The following SOX5 variants were observed in gnomAD, a reference collection of about 807,000 sequenced individuals.
The protein encoded by SOX5 is SRY-box transcription factor 5.
Under a neutral mutation model 92.0 loss-of-function variants are expected in SOX5, and 9 were observed. The ratio of observed to expected loss-of-function variants is 0.10; its 90% confidence interval spans 0.06 to 0.17. SOX5 has a LOEUF of 0.17. Among genes scored for constraint, SOX5 ranks in the 10% least tolerant of loss-of-function variants. The pLI is 1.00. For synonymous variants in SOX5, 344 were observed against 336.3 expected (o/e 1.02, Z -0.25); for missense variants, 642 against 944.5 (o/e 0.68, Z 4.20).
intron 4 of SOX5, among the ~76,000 whole-genome samples, chr12:24,149,311 G>A (rs1267373571): frequency 2.0e-5 from 3 of 151,878 alleles, no homozygotes; most frequent in African/African-American, 7.3e-5. Context: ...TATTGATAAA[G>A]AACTTATAAT....
At chr12:23,713,647 C>CTGTGTG (rs138042111) in intron 6 of SOX5, among the ~76,000 whole-genome samples, 1 of 146,960 alleles carries the variant, frequency 6.8e-6, no homozygotes, top group South Asian at 2.2e-4. Context: ...TCCAGTGTCT[C>CTGTGTG]TGTGTGTGTG....
chr12:24,066,873 A>T (rs75949128), intron 4 of SOX5, among the ~76,000 whole-genome samples: 5,651 of 152,276 alleles, frequency 0.037, 129 homozygotes, highest in Admixed American at 0.062. Context: ...CAGAGATTTT[A>T]TTTCACCTTT....
At chr12:24,165,498 C>T (rs1185546903) in intron 4 of SOX5, among the ~76,000 whole-genome samples, 1 of 152,108 alleles carries the variant, frequency 6.6e-6, no homozygotes, top group African/African-American at 2.4e-5. Context: ...ATTCAATGCC[C>T]TCATTTTCAC....
intron 1 of SOX5, among the ~76,000 whole-genome samples, chr12:24,396,808 C>CA (rs1960134169): frequency 6.6e-6 from 1 of 152,256 alleles, no homozygotes; most frequent in African/African-American, 2.4e-5. Flanking sequence ...ATGCTTACAA[C>CA]AGAGTGTTTT....
chr12:23,713,970 C>T (rs1167423473), intron 6 of SOX5, among the ~76,000 whole-genome samples: 1 of 150,530 alleles, frequency 6.6e-6, no homozygotes, highest in African/African-American at 2.4e-5. Flanking sequence ...TGCACACCTG[C>T]AATCCCAGCT....
At chr12:23,701,703 G>T (rs2090648584) in intron 6 of SOX5, among the ~76,000 whole-genome samples, 1 of 151,706 alleles carries the variant, frequency 6.6e-6, no homozygotes, top group Non-Finnish European at 1.5e-5. Context: ...ACATTTTTTG[G>T]TCCCCCAGCA....
At chr12:24,149,068 T>G (rs1951401149) in intron 4 of SOX5, among the ~76,000 whole-genome samples, 1 of 152,162 alleles carries the variant, frequency 6.6e-6, no homozygotes, top group African/African-American at 2.4e-5. Flanking sequence ...TTGCCTCATA[T>G]GCTAATATTG....
intron 9 of SOX5, among the ~76,000 whole-genome samples, chr12:23,580,225 G>A (rs1949848846): frequency 1.3e-5 from 2 of 151,910 alleles, no homozygotes; most frequent in Non-Finnish European, 2.9e-5. Context: ...TGAAACCCAG[G>A]TTTTTGGACT....
At chr12:24,387,658 C>A (rs1424380258) in intron 1 of SOX5, among the ~76,000 whole-genome samples, 1 of 152,082 alleles carries the variant, frequency 6.6e-6, no homozygotes, top group Non-Finnish European at 1.5e-5. Context: ...CGATAATTTT[C>A]TTACAGGGAA....
chr12:24,497,417 T>C (rs1422537769), intron 1 of SOX5, among the ~76,000 whole-genome samples: 1 of 152,186 alleles, frequency 6.6e-6, no homozygotes, highest in Non-Finnish European at 1.5e-5. Context: ...AGACAGAATT[T>C]CAACAAAAGC....
Position 24,440,299 on chromosome 12 carries a change from C to T in SOX5, c.-250-71660G>A, listed in dbSNP as rs144278639. Among the ~76,000 whole-genome samples, 574 of 152,288 alleles carry T rather than the reference C, an allele frequency of 3.8e-3. 5 individuals carry two copies. The highest frequency in any genetic ancestry group is 0.013 in the African/African-American group (534 of 41,566). ...TACCTTAGATAATCTACTCTAGTCT[C>T]TTTCTGCTGAGGTTATCTTCCTCCT... is the stretch of plus-strand genomic sequence containing the variant. On this transcript the variant is annotated intron_variant, in intron 1 of 4. Coordinates refer to the SOX5 transcript ENST00000446891.
chr12:23,870,448 T>C (rs893026861), intron 2 of SOX5, among the ~76,000 whole-genome samples: 1 of 152,108 alleles, frequency 6.6e-6, no homozygotes. Flanking sequence ...ATTATAAACC[T>C]AGAGGCCTTT....
chr12:23,866,440 T>C (rs1346004564), intron 2 of SOX5, among the ~76,000 whole-genome samples: 3 of 152,178 alleles, frequency 2.0e-5, no homozygotes, highest in Non-Finnish European at 4.4e-5. Context: ...CCAATCCAAA[T>C]TTAGGAGTAA....
At chr12:24,415,288 C>T (rs10771086) in intron 1 of SOX5, among the ~76,000 whole-genome samples, 93,024 of 152,036 alleles carry the variant, frequency 0.61, 28,999 homozygotes, top group East Asian at 0.98. Context: ...ATTAATCCAT[C>T]TTTTGTTGTT....
chr12:24,108,588 T>G (rs1177328377), intron 4 of SOX5, among the ~76,000 whole-genome samples: 1 of 152,170 alleles, frequency 6.6e-6, no homozygotes, highest in Non-Finnish European at 1.5e-5. Flanking sequence ...ACATTAATTA[T>G]AGCCTATTAA....
At chr12:23,712,063 GT>G (rs1184020361) in intron 6 of SOX5, among the ~76,000 whole-genome samples, 1 of 152,114 alleles carries the variant, frequency 6.6e-6, no homozygotes, top group Non-Finnish European at 1.5e-5. Flanking sequence ...TTTAAACTTT[GT>G]TTTGTCTGAC....
intron 7 of SOX5, among the ~76,000 whole-genome samples, chr12:23,664,320 A>AATAT (rs1555241201): frequency 8.9e-5 from 10 of 112,298 alleles, no homozygotes; most frequent in East Asian, 5.0e-4. Flanking sequence ...ACAATTCATT[A>AATAT]ACATATATAT....
At chr12:24,123,320 C>A (rs1948804101) in intron 4 of SOX5, among the ~76,000 whole-genome samples, 1 of 152,286 alleles carries the variant, frequency 6.6e-6, no homozygotes, top group Middle Eastern at 3.4e-3. Flanking sequence ...ACACAATGTG[C>A]CATTATATCT....
intron 3 of SOX5, among the ~76,000 whole-genome samples, chr12:23,816,928 A>G (rs948030505): frequency 6.6e-6 from 1 of 152,170 alleles, no homozygotes; most frequent in South Asian, 2.1e-4. Context: ...CTCTCATATC[A>G]CTGAGGTTGC....
Sources: allele counts gnomAD v4.1 joint callset (sites outside exome capture counted in the v4.1 genomes callset), GRCh38; gene constraint gnomAD v4.1.1; transcripts MANE v1.5; gene names NCBI Gene and HGNC (gene_info 2026-07-23, HGNC 2026-07-21).